TEF: variants seen among roughly 807,000 people sequenced by gnomAD.
TEF encodes the protein TEF transcription factor, PAR bZIP family member, also known as thyrotroph embryonic factor.
A neutral mutation model predicts 20.8 loss-of-function variants in TEF; 3 were observed. The observed-to-expected ratio is 0.14, with a 90% CI of 0.07 to 0.37. TEF has a LOEUF of 0.37. TEF is among the 10% of genes least tolerant of loss of function. The probability of loss-of-function intolerance (pLI) is 1.00; values close to 1 mark genes in which losing one functional copy is unlikely to be tolerated. For synonymous variants in TEF, 180 were observed against 171.1 expected, an observed-to-expected ratio of 1.05 and a Z score of -0.41; for missense variants, 296 against 397.9, an observed-to-expected ratio of 0.74 and a Z score of 2.18.
chr22:41,392,350 G>A (rs932988581), intron 2 of TEF, among the ~76,000 whole-genome samples: 15 of 152,188 alleles, frequency 9.9e-5, no homozygotes, highest in Middle Eastern at 3.4e-3. Context: ...TTCTCTGAGC[G>A]TTAGTTTCTT....
chr22:41,387,766 C>G, intron 2 of TEF, 98 bp downstream of exon 2: 1 of 1,273,494 alleles, frequency 7.9e-7, no homozygotes, highest in Non-Finnish European at 1.1e-6. Flanking sequence ...TGAGTCCCTT[C>G]TCTGAGGGGA....
In TEF at chr22:41,397,114, A is replaced by G. The variant is rs935542065; in HGVS notation, c.*1154A>G. 2.5e-6 allele frequency: 1 copy of G among 398,650 alleles called. No individual in the cohort carries two copies. The highest frequency in any genetic ancestry group is 4.4e-6 in the Non-Finnish European group (1 of 226,132). The allele number at this position is 398,650 out of a possible 1,614,324, so 24.7% of individuals were successfully genotyped here. A position where few individuals can be genotyped will look rare whatever the true frequency, so the allele number is the denominator to read the frequency against. ...CCGGAGGGTGTCAGCAGGGCAAGAC[A>G]CCTAGTCTAGAGTCACCAAGGTCAC... On this transcript the variant is annotated 3_prime_UTR_variant, in exon 4 of 4. Transcript: ENST00000266304.
upstream of TEF, among the ~76,000 whole-genome samples, chr22:41,378,802 G>A (rs2036979169): frequency 3.3e-5 from 5 of 152,238 alleles, no homozygotes; most frequent in South Asian, 1.0e-3. Flanking sequence ...TCCTTGGAAT[G>A]TCCTTTGTCT....
intron 1 of TEF, chr22:41,367,621 A>G: frequency 6.5e-7 from 1 of 1,550,268 alleles, no homozygotes; most frequent in Non-Finnish European, 8.7e-7. Flanking sequence ...GGTGACCTGC[A>G]TTGATTGGCT....
chr22:41,376,475 G>T (rs1182611184), intron 1 of TEF, among the ~76,000 whole-genome samples: 1 of 152,308 alleles, frequency 6.6e-6, no homozygotes, highest in South Asian at 2.1e-4. Flanking sequence ...TGAGCCATCC[G>T]CCTCGGCCTC....
At chr22:41,368,940 CT>C in intron 1 of TEF, 3 of 474,114 alleles carry the variant, frequency 6.3e-6, no homozygotes, top group Non-Finnish European at 8.3e-6. Flanking sequence ...CCACAGCTGA[CT>C]TTTTTGGCAT....
At chr22:41,372,022 A>G (rs1174300960) in intron 1 of TEF, among the ~76,000 whole-genome samples, 1 of 152,166 alleles carries the variant, frequency 6.6e-6, no homozygotes, top group African/African-American at 2.4e-5. Context: ...CTCCATGCAC[A>G]GCCTGGGAAC....
chr22:41,369,138 C>T lies in TEF; in HGVS notation c.67+1539C>T, dbSNP rs2036851981. ...CTGCCAGTGGGGCAGGGAGGATTCT[C>T]AGGGGCGACTCGGGGCACTGCTCCT... is the stretch of plus-strand genomic sequence containing the variant. On this transcript the variant is annotated intron_variant, in intron 1 of 3. Coordinates refer to the TEF transcript ENST00000406644. 4 of 985,268 alleles carry T rather than the reference C, an allele frequency of 4.1e-6. No individual in the cohort carries two copies. In the South Asian group the frequency reaches 1.9e-4, roughly 46 times the overall value. The allele number at this position is 985,268 out of a possible 1,614,324, so 61.0% of individuals were successfully genotyped here. A position where few individuals can be genotyped will look rare whatever the true frequency, so the allele number is the denominator to read the frequency against.
intron 2 of TEF, among the ~76,000 whole-genome samples, chr22:41,392,809 G>T (rs2037184020): frequency 6.6e-6 from 1 of 152,064 alleles, no homozygotes; most frequent in Non-Finnish European, 1.5e-5. Flanking sequence ...GGCCGAGGCG[G>T]GTGGATCACT....
Position 41,387,546 on chromosome 22 carries a change from C to G in TEF, c.353C>G (p.Ala118Gly). 1 of 1,614,198 alleles carries G rather than the reference C, an allele frequency of 6.2e-7. No individual in the cohort carries two copies. Among genetic ancestry groups the G allele is most frequent in the East Asian group, 2.2e-5 (1 of 44,890 alleles). The change falls in exon 2 of 4, where the codon GCC becomes GGC. Residue 118 changes from alanine (A) to glycine (G), a missense_variant. Physicochemically the swap from Ala to Gly is moderately conservative, Grantham distance 60 (BLOSUM62 0). This residue lies in a region of TEF where 194 missense variants were observed against 317.8 expected (regional missense o/e 0.61). Transcript: ENST00000266304. Reference sequence around the variant, plus strand: ...ATCCCCGCCAGCCCCACCCACCTGGCCCACAACCTGCTGCTGCCTGTAGCA... The same window carrying G: ...ATCCCCGCCAGCCCCACCCACCTGGGCCACAACCTGCTGCTGCCTGTAGCA... ...NGIPASPTHL[A>G]HNLLLPVAEL...
At chr22:41,382,691 C>G (rs553668491) in intron 1 of TEF, among the ~76,000 whole-genome samples, 2 of 152,074 alleles carry the variant, frequency 1.3e-5, no homozygotes, top group African/African-American at 2.4e-5. Context: ...TTACCCCTCC[C>G]GGAGGGACCT....
intron 1 of TEF, among the ~76,000 whole-genome samples, chr22:41,385,989 G>A (rs987426967): frequency 3.6e-4 from 54 of 150,052 alleles, no homozygotes; most frequent in Admixed American, 2.7e-3. Context: ...CCGGTACCTG[G>A]CTAATTTTTG....
intron 1 of TEF, chr22:41,369,052 T>G: frequency 1.0e-6 from 1 of 985,002 alleles, no homozygotes; most frequent in Non-Finnish European, 1.2e-6. Flanking sequence ...GGTGGTACAG[T>G]CCCTCCTGGC....
At chr22:41,394,858 G>A (rs1327043402) in intron 3 of TEF, among the ~76,000 whole-genome samples, 1 of 152,196 alleles carries the variant, frequency 6.6e-6, no homozygotes, top group African/African-American at 2.4e-5. Context: ...TGGCCTAGCT[G>A]TGCCTCAAGT....
intron 1 of TEF, among the ~76,000 whole-genome samples, chr22:41,384,965 G>A (rs180913265): frequency 1.3e-5 from 2 of 152,196 alleles, no homozygotes; most frequent in African/African-American, 4.8e-5. Context: ...ATGTTGGTCA[G>A]ACTGGTCTCA....
upstream of TEF, among the ~76,000 whole-genome samples, chr22:41,378,467 T>G (rs764837578): frequency 3.3e-5 from 5 of 149,724 alleles, no homozygotes; most frequent in African/African-American, 7.4e-5. Flanking sequence ...TGCTTCAACC[T>G]CCCGAGTTGC....
At chr22:41,388,136 A>G (rs964612263) in intron 2 of TEF, among the ~76,000 whole-genome samples, 1 of 151,624 alleles carries the variant, frequency 6.6e-6, no homozygotes, top group Non-Finnish European at 1.5e-5. Context: ...AGCTGGGATT[A>G]CAGGCACCAG....
chr22:41,369,609 G>C (rs535730006), intron 1 of TEF, among the ~76,000 whole-genome samples: 1 of 151,120 alleles, frequency 6.6e-6, no homozygotes, highest in South Asian at 2.1e-4. Context: ...CGAATCTCCA[G>C]ACCATTTATA....
At chr22:41,377,470 T>G (rs1386846533), upstream of TEF, among the ~76,000 whole-genome samples, 2 of 152,236 alleles carry the variant, frequency 1.3e-5, no homozygotes, top group Non-Finnish European at 1.5e-5. Flanking sequence ...TTTATTTCTT[T>G]GTCGGGCTCA....
Sources: allele counts gnomAD v4.1 joint callset (sites outside exome capture counted in the v4.1 genomes callset), GRCh38; gene constraint gnomAD v4.1.1; regional missense constraint gnomAD v4.1.1; transcripts MANE v1.5; gene names NCBI Gene and HGNC (gene_info 2026-07-23, HGNC 2026-07-21).